LPP: variants seen among roughly 807,000 people sequenced by gnomAD.
LPP encodes lipoma-preferred partner.
In LPP, 38 loss-of-function variants were observed where a neutral mutation model predicts 60.4. That is an observed-to-expected ratio of 0.63 (90% confidence interval 0.49 to 0.83). The LOEUF (loss-of-function observed/expected upper bound fraction) is 0.83. Among genes scored for constraint, LPP ranks in the 40% least tolerant of loss-of-function variants. The pLI, the probability that LPP is intolerant of heterozygous loss-of-function variation, is 0.00. For missense variants in LPP, 902 were observed against 783.6 expected (o/e 1.15, Z -1.80); for synonymous variants, 328 against 290.8 (o/e 1.13, Z -1.30).
intron 4 of LPP, among the ~76,000 whole-genome samples, chr3:188,438,357 A>T (rs374847844): frequency 0.19 from 21,686 of 114,394 alleles, 1,966 homozygotes; most frequent in East Asian, 0.3. Context: ...CATGCATTAC[A>T]CACACACACA....
chr3:188,781,935 C>T (rs947656360), intron 9 of LPP, among the ~76,000 whole-genome samples: 4 of 151,594 alleles, frequency 2.6e-5, no homozygotes, highest in Non-Finnish European at 4.4e-5. Flanking sequence ...GATTCACTTA[C>T]CTCCCACTGT....
chr3:188,462,539 G>T, intron 4 of LPP, among the ~76,000 whole-genome samples: 1 of 77,398 alleles, frequency 1.3e-5, no homozygotes. Flanking sequence ...CAATTTATAT[G>T]AGCTTTATAT....
intron 3 of LPP, among the ~76,000 whole-genome samples, chr3:188,362,538 T>A (rs1393614791): frequency 6.6e-6 from 1 of 152,204 alleles, no homozygotes; most frequent in East Asian, 1.9e-4. Flanking sequence ...CATCCTTTAC[T>A]CCTTAGCTTT....
At chr3:188,487,312 A>G (rs529607689) in intron 5 of LPP, among the ~76,000 whole-genome samples, 1 of 152,346 alleles carries the variant, frequency 6.6e-6, no homozygotes, top group East Asian at 1.9e-4. Context: ...TTAATATGTA[A>G]GAAGACTAGT....
intron 1 of LPP, among the ~76,000 whole-genome samples, chr3:188,203,594 A>AAT (rs1732254539): frequency 2.8e-5 from 3 of 106,516 alleles, no homozygotes; most frequent in East Asian, 2.5e-4. Context: ...TATATATTTA[A>AAT]ATATATATAA....
intron 9 of LPP, among the ~76,000 whole-genome samples, chr3:188,843,229 T>C (rs3914270): frequency 0.65 from 98,996 of 151,968 alleles, 32,633 homozygotes; most frequent in East Asian, 0.86. Context: ...CATGAGGGGC[T>C]GTGACACCAG....
chr3:188,433,129 T>C (rs1225576226), intron 4 of LPP, among the ~76,000 whole-genome samples: 1 of 152,164 alleles, frequency 6.6e-6, no homozygotes, highest in Non-Finnish European at 1.5e-5. Context: ...TCTGTTTACC[T>C]CTAAAATGAA....
chr3:188,224,127 T>C (rs1436034622), intron 1 of LPP, among the ~76,000 whole-genome samples: 2 of 152,152 alleles, frequency 1.3e-5, no homozygotes, highest in Non-Finnish European at 2.9e-5. Context: ...CCAGTGTGTT[T>C]TGTTGTCCTT....
intron 4 of LPP, among the ~76,000 whole-genome samples, chr3:188,461,584 A>C (rs1798964628): frequency 6.6e-6 from 1 of 152,206 alleles, no homozygotes; most frequent in Admixed American, 6.5e-5. Context: ...CCCATGAAAA[A>C]CACCATTATG....
intron 2 of LPP, among the ~76,000 whole-genome samples, chr3:188,337,137 G>A (rs1317929069): frequency 1.3e-5 from 2 of 152,152 alleles, no homozygotes; most frequent in East Asian, 3.9e-4. Flanking sequence ...GTTGCTGGCA[G>A]CTCGGCTTGG....
rs752300715 is a variant in LPP, at chr3:188,217,070, G to C, written c.-189-8335G>C. On this transcript the variant is annotated intron_variant, in intron 1 of 11. Transcript: ENST00000617246. This position sits in a 1 kb window ranked among gnomAD's most constrained non-coding sequence, Gnocchi z 4.0. ...AACAACGATCTCTTGGTGCTTACAC[G>C]CTGCTGCAGGTGTGTGAAGGAGGCA... Among the ~76,000 whole-genome samples, 1 of 152,202 alleles carries C rather than the reference G, an allele frequency of 6.6e-6. No homozygotes were observed. Among genetic ancestry groups the C allele is most frequent in the African/African-American group, 2.4e-5 (1 of 41,444 alleles).
chr3:188,754,013 A>T (rs187999111), intron 8 of LPP, among the ~76,000 whole-genome samples: 1 of 152,198 alleles, frequency 6.6e-6, no homozygotes. Flanking sequence ...GAGATTGCAT[A>T]TTGCTACATT....
chr3:188,441,885 A>C (rs371855575), intron 4 of LPP, among the ~76,000 whole-genome samples: 1 of 151,048 alleles, frequency 6.6e-6, no homozygotes, highest in Non-Finnish European at 1.5e-5. Flanking sequence ...CGGCCTCCCA[A>C]GTGCTGGGAT....
At chr3:188,213,322 G>C (rs1308500446) in intron 1 of LPP, among the ~76,000 whole-genome samples, 1 of 151,568 alleles carries the variant, frequency 6.6e-6, no homozygotes, top group Non-Finnish European at 1.5e-5. Flanking sequence ...AGAGTTGGAA[G>C]AGTCCTGCAG....
At position 188,800,128 on chromosome 3, in the gene LPP, G is replaced by A. The variant is rs78456424; in HGVS notation, c.1410+39846G>A. ...TAGAATTCTATAGGATACATGAACC[G>A]TAACTCCCTTAGTCATTTCTCTACT... On this transcript the variant is annotated intron_variant, in intron 9 of 11. Coordinates refer to ENST00000617246, the MANE Select transcript of LPP (RefSeq NM_001375462.1). Among the ~76,000 whole-genome samples, 485 of 146,126 alleles carry A rather than the reference G, an allele frequency of 3.3e-3. 3 individuals carry two copies. The highest frequency in any genetic ancestry group is 0.012 in the African/African-American group (465 of 39,636).
chr3:188,538,744 A>G (rs1362196060), intron 6 of LPP, among the ~76,000 whole-genome samples: 3 of 152,232 alleles, frequency 2.0e-5, no homozygotes, highest in Admixed American at 2.0e-4. Flanking sequence ...TCATAGCAAC[A>G]TGATTCATAA....
chr3:188,843,249 T>C (rs895790042), intron 9 of LPP, among the ~76,000 whole-genome samples: 31 of 152,294 alleles, frequency 2.0e-4, no homozygotes, highest in African/African-American at 7.2e-4. Flanking sequence ...GCCTGGACTA[T>C]TAGGAATGGA....
intron 9 of LPP, among the ~76,000 whole-genome samples, chr3:188,827,267 C>T (rs1056122792): frequency 1.3e-5 from 2 of 152,144 alleles, no homozygotes; most frequent in Non-Finnish European, 2.9e-5. Flanking sequence ...CATCTGACAT[C>T]CAACACCACA....
At chr3:188,414,051 C>A (rs1785540535) in intron 4 of LPP, among the ~76,000 whole-genome samples, 1 of 152,074 alleles carries the variant, frequency 6.6e-6, no homozygotes, top group Admixed American at 6.6e-5. Context: ...CTTCTAGGGG[C>A]TGAAGTAATG....
Sources: gnomAD v4.1 joint callset for allele counts (sites outside exome capture counted in the v4.1 genomes callset) on GRCh38, gnomAD v4.1.1 for gene constraint, Gnocchi (gnomAD v3.1) non-coding constraint, MANE v1.5 for transcripts, NCBI Gene and HGNC (gene_info 2026-07-23, HGNC 2026-07-21) for gene names.